The following SLC24A4 variants were observed in gnomAD, a reference collection of about 807,000 sequenced individuals.
SLC24A4 encodes the protein sodium/potassium/calcium exchanger 4.
A neutral mutation model predicts 79.0 loss-of-function variants in SLC24A4; 53 were observed. That is an observed-to-expected ratio of 0.67 (90% CI 0.54 to 0.84). The LOEUF is 0.84. Among genes scored for constraint, SLC24A4 ranks in the 40% least tolerant of loss-of-function variants. The pLI is 0.00. For synonymous variants in SLC24A4, 323 were observed against 323.8 expected (o/e 1.00, Z 0.03); for missense variants, 731 against 822.0 (o/e 0.89, Z 1.35).
chr14:92,374,534 C>T (rs61975596), intron 2 of SLC24A4, among the ~76,000 whole-genome samples: 9,616 of 152,258 alleles, frequency 0.063, 429 homozygotes, highest in Non-Finnish European at 0.086. Context: ...GCCTGTCAGA[C>T]GGGGGCTGAG....
intron 2 of SLC24A4, among the ~76,000 whole-genome samples, chr14:92,412,632 C>G (rs1890782912): frequency 6.6e-6 from 1 of 152,160 alleles, no homozygotes; most frequent in East Asian, 1.9e-4. Flanking sequence ...CTGGAGACCA[C>G]AGGTTTCTCC....
chr14:92,418,437 A>G (rs1019981776), intron 2 of SLC24A4, among the ~76,000 whole-genome samples: 2 of 152,224 alleles, frequency 1.3e-5, no homozygotes, highest in African/African-American at 4.8e-5. Context: ...TCTCCAGAGA[A>G]GCAGAGCCCA....
chr14:92,443,291 G>A lies in SLC24A4; in HGVS notation c.583-109G>A, dbSNP rs562656213. The A allele has an allele frequency of 3.5e-5, 34 of 965,322 alleles. No individual in the cohort carries two copies. The South Asian group carries it at 4.0e-4, about 11-fold the overall frequency. The allele number at this position is 965,322 out of a possible 1,614,324, so 59.8% of individuals were successfully genotyped here. On this transcript the variant is annotated intron_variant, in intron 6 of 16. Coordinates refer to ENST00000532405, the MANE Select transcript of SLC24A4 (RefSeq NM_153646.4). ...AACAAGCGTGGCCTGGAGTTAGGAG[G>A]TGGAGCTCTGTGGGCATGCCCTGCA...
At chr14:92,396,000 AT>A (rs1889752256) in intron 2 of SLC24A4, among the ~76,000 whole-genome samples, 1 of 151,910 alleles carries the variant, frequency 6.6e-6, no homozygotes. Flanking sequence ...TAATTTTTGT[AT>A]TTTTAGTAGA....
chr14:92,373,626 A>G (rs1888330723), intron 2 of SLC24A4, among the ~76,000 whole-genome samples: 1 of 152,194 alleles, frequency 6.6e-6, no homozygotes, highest in African/African-American at 2.4e-5. Context: ...AGTTTTGGAA[A>G]TGATCTGTCT....
At chr14:92,412,531 G>A (rs1890777482) in intron 2 of SLC24A4, among the ~76,000 whole-genome samples, 1 of 152,100 alleles carries the variant, frequency 6.6e-6, no homozygotes, top group South Asian at 2.1e-4. Context: ...CTGGGCACAG[G>A]GTGTGTGGCC....
rs529065264 is a variant in SLC24A4 at position 92,490,808 on chromosome 14, T to C, written c.1538-857T>C. On this transcript the variant is annotated intron_variant, in intron 14 of 16. Transcript: ENST00000532405. The surrounding 1 kb of genome is among the most constrained non-coding windows in gnomAD (Gnocchi z 4.3). ...TCATGAAGGGCCCGCATGCATCTGCTAGGCTTCGTTCCCACAAACGGGGTG... is the reference window on the plus strand; with the variant it reads ...TCATGAAGGGCCCGCATGCATCTGCCAGGCTTCGTTCCCACAAACGGGGTG... Among the ~76,000 whole-genome samples, 1 of 152,354 alleles carries C rather than the reference T, an allele frequency of 6.6e-6. No individual in the cohort carries two copies. The highest frequency in any genetic ancestry group is 2.1e-4 in the South Asian group (1 of 4,830).
rs774289649 is a variant in SLC24A4 at position 92,486,668 on chromosome 14, G to A, written c.1425G>A (p.Val475=). The change falls in exon 14 of 17, where the codon GTG becomes GTA. Residue 475 remains valine, a splice_region_variant and synonymous_variant. Transcript: ENST00000532405. The stretch of plus-strand genomic sequence containing the variant: ...TGTCTCCACCCCACATTCTGCAGGT[G>A]ACTATTATCGGATACACACTTGGGA... The part of the protein sequence containing the change: ...AVFSYIMVWL[V]TIIGYTLGIP... 8 of 1,608,954 alleles carry A rather than the reference G, an allele frequency of 5.0e-6. No individual in the cohort carries two copies. In the South Asian group the frequency reaches 7.7e-5, roughly 15 times the overall value.
At chr14:92,449,560 C>T (rs933734610) in intron 10 of SLC24A4, among the ~76,000 whole-genome samples, 3 of 152,224 alleles carry the variant, frequency 2.0e-5, no homozygotes, top group Non-Finnish European at 4.4e-5. Flanking sequence ...TCCCTGACCC[C>T]TGTAAGGGCC....
At chr14:92,422,668 T>C (rs1033700169) in intron 2 of SLC24A4, among the ~76,000 whole-genome samples, 1 of 149,112 alleles carries the variant, frequency 6.7e-6, no homozygotes, top group East Asian at 2.0e-4. Flanking sequence ...TGCTAAAAAA[T>C]GGAAGCTATT....
At chr14:92,378,016 A>C (rs1566725625) in intron 2 of SLC24A4, among the ~76,000 whole-genome samples, 2 of 152,120 alleles carry the variant, frequency 1.3e-5, no homozygotes, top group Non-Finnish European at 2.9e-5. Context: ...TGGGACAAGC[A>C]GGAGGGTTTG....
At chr14:92,455,263 A>T (rs914434007) in intron 11 of SLC24A4, among the ~76,000 whole-genome samples, 2 of 152,244 alleles carry the variant, frequency 1.3e-5, no homozygotes, top group East Asian at 1.9e-4. Flanking sequence ...TAAAAATTTC[A>T]GTGACACACA....
intron 2 of SLC24A4, among the ~76,000 whole-genome samples, chr14:92,390,020 T>C (rs1307742112): frequency 2.0e-5 from 3 of 152,158 alleles, no homozygotes; most frequent in Non-Finnish European, 2.9e-5. Flanking sequence ...AGCAGTGTTT[T>C]CTCTTCCCCC....
intron 2 of SLC24A4, among the ~76,000 whole-genome samples, chr14:92,359,833 A>G (rs766986768): frequency 6.6e-6 from 1 of 152,182 alleles, no homozygotes; most frequent in Non-Finnish European, 1.5e-5. Flanking sequence ...TGCATTTCCT[A>G]AACTAGGTAT....
Position 92,493,787 on chromosome 14 carries a change from C to G in SLC24A4, c.*159C>G. 1.2e-6 allele frequency: 1 copy of G among 860,006 alleles called. No individual in the cohort carries two copies. The highest frequency in any genetic ancestry group is 1.7e-6 in the Non-Finnish European group (1 of 571,614). 53.3% of individuals were successfully genotyped at this position (860,006 alleles called of 1,614,324 possible). On this transcript the variant is annotated 3_prime_UTR_variant, in exon 17 of 17. Coordinates refer to ENST00000532405, the MANE Select transcript of SLC24A4 (RefSeq NM_153646.4). ...AGCCATCGTGGTCTTTGTCTGGCCA[C>G]AGGCCAGGCTGCTGGGCATCCTCCT...
chr14:92,350,100 T>C (rs1235702883), intron 2 of SLC24A4, among the ~76,000 whole-genome samples: 1 of 152,236 alleles, frequency 6.6e-6, no homozygotes, highest in Non-Finnish European at 1.5e-5. Flanking sequence ...GTTATGAATG[T>C]GTTGAGCCCT....
intron 3 of SLC24A4, among the ~76,000 whole-genome samples, 184 bp from the exon 4 acceptor site, chr14:92,439,151 T>C (rs989724607): frequency 2.0e-5 from 3 of 152,214 alleles, no homozygotes; most frequent in African/African-American, 7.2e-5. Context: ...TCTCTGGGCC[T>C]CAGTTTCCCC....
chr14:92,324,009 C>T (rs765571026), intron 1 of SLC24A4, 49 bp downstream of exon 1: 2 of 1,584,222 alleles, frequency 1.3e-6, no homozygotes, highest in Non-Finnish European at 8.6e-7. Flanking sequence ...GGGGCTTTGG[C>T]TGGGGAGTCT....
chr14:92,474,828 T>TGTGTGTGTGTGTGG (rs1894655285), intron 12 of SLC24A4, among the ~76,000 whole-genome samples: 1 of 7,554 alleles, frequency 1.3e-4, no homozygotes, highest in African/African-American at 1.8e-4. Flanking sequence ...TATACATATA[T>TGTGTGTGTGTGTGG]ATGTGTGTGT....
Sources: gnomAD v4.1 joint callset for allele counts (sites outside exome capture counted in the v4.1 genomes callset) on GRCh38, gnomAD v4.1.1 for gene constraint, Gnocchi (gnomAD v3.1) non-coding constraint, MANE v1.5 for transcripts, NCBI Gene and HGNC (gene_info 2026-07-23, HGNC 2026-07-21) for gene names.